The following FRMPD4 variants were observed in gnomAD, a reference collection of about 807,000 sequenced individuals.
The protein encoded by FRMPD4 is FERM and PDZ domain containing 4, also known as FERM and PDZ domain-containing protein 4.
FRMPD4 carries 22 observed loss-of-function variants against 94.1 expected under a neutral mutation model. That is an observed-to-expected ratio of 0.23 (90% CI 0.17 to 0.33). FRMPD4 has a LOEUF of 0.33. FRMPD4 is among the 10% of genes least tolerant of loss of function. The probability of loss-of-function intolerance (pLI) is 1.00; values close to 1 mark genes in which losing one functional copy is unlikely to be tolerated. For missense variants in FRMPD4, 1,111 were observed against 1,339.9 expected, an observed-to-expected ratio of 0.83 and a Z score of 2.67; for synonymous variants, 631 against 548.6, an observed-to-expected ratio of 1.15 and a Z score of -2.10.
chrX:11,829,975 G>A (rs2053465898), intron 1 of FRMPD4, among the ~76,000 whole-genome samples: 1 of 111,903 alleles, frequency 8.9e-6, no homozygotes, highest in African/African-American at 3.2e-5. Flanking sequence ...GGTTGGTGAG[G>A]ACTGGGAAAA....
At chrX:11,865,898 T>C (rs950055191) in intron 2 of FRMPD4, among the ~76,000 whole-genome samples, 2 of 112,265 alleles carry the variant, frequency 1.8e-5, no homozygotes, top group Non-Finnish European at 3.8e-5. Flanking sequence ...TGTTCATTAA[T>C]ACTTTCTGTG....
intron 4 of FRMPD4, among the ~76,000 whole-genome samples, chrX:12,674,370 G>A (rs2059874123): frequency 9.0e-6 from 1 of 111,711 alleles, no homozygotes; most frequent in Admixed American, 9.5e-5. Context: ...TAACATTTTT[G>A]TCTCTGGATG....
chrX:12,190,743 A>C (rs2056482068), intron 1 of FRMPD4, among the ~76,000 whole-genome samples: 1 of 110,160 alleles, frequency 9.1e-6, no homozygotes, highest in Admixed American at 9.7e-5. Context: ...CTGTCACAAA[A>C]ATAACTCAAA....
intron 1 of FRMPD4, among the ~76,000 whole-genome samples, chrX:12,418,600 C>T (rs1366346504): frequency 4.6e-5 from 5 of 109,393 alleles, no homozygotes; most frequent in South Asian, 3.9e-4. Context: ...CCTCGTGATC[C>T]GTCCGCCTCA....
intron 1 of FRMPD4, among the ~76,000 whole-genome samples, chrX:12,193,838 G>GGAAAGAAGAAAAGA (rs1478269492): frequency 1.7e-5 from 1 of 59,928 alleles, no homozygotes; most frequent in Non-Finnish European, 2.9e-5. Context: ...AGGGAAGGAA[G>GGAAAGAAGAAAAGA]AAAGAAAAGA....
chrX:12,104,866 G>A (rs1432989889), intron 3 of FRMPD4, among the ~76,000 whole-genome samples: 3 of 110,958 alleles, frequency 2.7e-5, no homozygotes, highest in African/African-American at 9.8e-5. Flanking sequence ...GGCAGACCTT[G>A]GGACTTTAAC....
At chrX:11,963,926 G>A (rs188779566) in intron 3 of FRMPD4, among the ~76,000 whole-genome samples, 17 of 111,459 alleles carry the variant, frequency 1.5e-4, no homozygotes, top group African/African-American at 4.9e-4. Context: ...GGATAATGTA[G>A]TCCAACCATT....
intron 3 of FRMPD4, among the ~76,000 whole-genome samples, chrX:12,089,420 T>C (rs965098704): frequency 1.2e-4 from 14 of 112,404 alleles, no homozygotes; most frequent in African/African-American, 4.2e-4. Context: ...TATTGATCTG[T>C]AGTCCCATCA....
chrX:12,701,354 C>T (rs981071854), intron 9 of FRMPD4, among the ~76,000 whole-genome samples: 2 of 110,886 alleles, frequency 1.8e-5, no homozygotes, highest in Non-Finnish European at 3.8e-5. Context: ...ATTCTAAGAA[C>T]TTTTCATGGT....
chrX:12,560,724 G>A (rs2058646841), intron 2 of FRMPD4, among the ~76,000 whole-genome samples: 1 of 86,227 alleles, frequency 1.2e-5, no homozygotes, highest in Non-Finnish European at 2.2e-5. Context: ...TCTCCCTAGT[G>A]TATGCACCTC....
At chrX:11,886,380 T>C (rs2053845324) in intron 3 of FRMPD4, among the ~76,000 whole-genome samples, 1 of 111,481 alleles carries the variant, frequency 9.0e-6, no homozygotes, top group Non-Finnish European at 1.9e-5. Context: ...CCATTTTTTT[T>C]TTCCTGATTA....
intron 1 of FRMPD4, among the ~76,000 whole-genome samples, chrX:12,488,178 A>C (rs73632687): frequency 0.027 from 3,056 of 111,598 alleles, 123 homozygotes; most frequent in African/African-American, 0.095. Flanking sequence ...GGTCTCCAGC[A>C]GACACTGAGA....
intron 2 of FRMPD4, among the ~76,000 whole-genome samples, chrX:12,560,326 G>C (rs1434698574): frequency 1.8e-5 from 2 of 110,026 alleles, no homozygotes; most frequent in Non-Finnish European, 3.8e-5. Flanking sequence ...GGAGGGGAAA[G>C]AAATCAGCAA....
intron 2 of FRMPD4, among the ~76,000 whole-genome samples, chrX:12,599,699 C>T (rs2059066811): frequency 8.9e-6 from 1 of 111,739 alleles, no homozygotes; most frequent in African/African-American, 3.3e-5. Flanking sequence ...TGACTCTGTC[C>T]ATCACATTTG....
At chrX:11,847,146 A>G (rs2053582184) in intron 1 of FRMPD4, among the ~76,000 whole-genome samples, 1 of 111,649 alleles carries the variant, frequency 9.0e-6, no homozygotes, top group East Asian at 2.8e-4. Flanking sequence ...ACAAAGGGCT[A>G]ATATCCAGAA....
intron 1 of FRMPD4, among the ~76,000 whole-genome samples, chrX:12,240,656 T>C (rs1411114438): frequency 1.8e-5 from 2 of 112,484 alleles, no homozygotes; most frequent in Non-Finnish European, 3.8e-5. Context: ...GTTTGTTTTT[T>C]GGTTTTTATG....
intron 1 of FRMPD4, among the ~76,000 whole-genome samples, chrX:12,413,672 A>G (rs368590100): frequency 8.9e-6 from 1 of 111,807 alleles, no homozygotes; most frequent in East Asian, 2.8e-4. Flanking sequence ...TTCTAAAACA[A>G]GAATGTCAGG....
intron 1 of FRMPD4, among the ~76,000 whole-genome samples, chrX:12,228,887 G>A (rs1015614742): frequency 8.9e-6 from 1 of 111,972 alleles, no homozygotes; most frequent in East Asian, 2.8e-4. Flanking sequence ...AAAATATTAA[G>A]AATGTGGTTA....
intron 3 of FRMPD4, among the ~76,000 whole-genome samples, chrX:12,025,292 C>A (rs756131741): frequency 2.2e-4 from 24 of 109,173 alleles, no homozygotes; most frequent in Non-Finnish European, 3.4e-4. Context: ...GTCTCCTGTC[C>A]ATACCTCCCC....
Sources: allele counts gnomAD v4.1 joint callset (sites outside exome capture counted in the v4.1 genomes callset), GRCh38; gene constraint gnomAD v4.1.1; transcripts MANE v1.5; gene names NCBI Gene and HGNC (gene_info 2026-07-23, HGNC 2026-07-21).